CNTNAP4: variants seen among roughly 807,000 people sequenced by gnomAD.
CNTNAP4 encodes contactin associated protein family member 4.
A neutral mutation model predicts 148.4 loss-of-function variants in CNTNAP4; 98 were observed. The observed-to-expected ratio is 0.66, with a 90% CI of 0.56 to 0.78. The LOEUF (loss-of-function observed/expected upper bound fraction) is 0.78, where lower values mean the gene tolerates loss of function less well. Among genes scored for constraint, CNTNAP4 ranks in the 30% least tolerant of loss-of-function variants. The pLI is 0.00. For missense variants in CNTNAP4, 1,935 were observed against 1,565.6 expected (o/e 1.24, Z -3.98); for synonymous variants, 730 against 565.1 (o/e 1.29, Z -4.14).
intron 4 of CNTNAP4, among the ~76,000 whole-genome samples, chr16:76,439,747 C>T (rs781426671): frequency 9.9e-5 from 15 of 152,102 alleles, no homozygotes; most frequent in Non-Finnish European, 2.1e-4. Flanking sequence ...ATATATAGCA[C>T]TTGATCTCTG....
At chr16:76,525,839 A>G (rs925442254) in intron 17 of CNTNAP4, among the ~76,000 whole-genome samples, 7 of 147,888 alleles carry the variant, frequency 4.7e-5, no homozygotes, top group Non-Finnish European at 8.9e-5. Context: ...ATATATAACT[A>G]TATATAATTA....
intron 17 of CNTNAP4, among the ~76,000 whole-genome samples, chr16:76,528,586 A>G (rs984333557): frequency 2.0e-5 from 3 of 152,144 alleles, no homozygotes; most frequent in African/African-American, 4.8e-5. Flanking sequence ...ATTGTTGGTA[A>G]TCTCTCAGAA....
At chr16:76,411,850 A>C (rs1482030338) in intron 3 of CNTNAP4, among the ~76,000 whole-genome samples, 1 of 151,452 alleles carries the variant, frequency 6.6e-6, no homozygotes, top group Non-Finnish European at 1.5e-5. Context: ...GACAAAAAGC[A>C]TAAATGTATA....
In CNTNAP4 at chr16:76,538,279, C is replaced by G. The variant is rs2084303230; in HGVS notation, c.3159C>G (p.Ser1053Arg). The G allele has an allele frequency of 6.2e-7, 1 of 1,610,024 alleles. No homozygotes were observed. Among genetic ancestry groups the G allele is most frequent in the South Asian group, 1.1e-5 (1 of 90,628 alleles). ...GTTTCCGAACAACACGAACACCAAGCTTGCTGCTTTTTGTGAGCTCCTTTT... is the reference window on the plus strand; with the variant it reads ...GTTTCCGAACAACACGAACACCAAGGTTGCTGCTTTTTGTGAGCTCCTTTT... ...KFSFRTTRTP[S>R]LLLFVSSFYK... Residue 1053 changes from serine to arginine, a missense_variant, in exon 19 of 24, where the codon AGC becomes AGG. Physicochemically the swap from Ser to Arg is moderately radical, Grantham distance 110. Coordinates refer to ENST00000611870, the MANE Select transcript of CNTNAP4 (RefSeq NM_033401.5).
Position 76,545,203 on chromosome 16 carries a change from A to C in CNTNAP4, c.3442+4413A>C, listed in dbSNP as rs530336483. ...TCCATTGATTTTTAATTTTTTTAATAATTAAAATGTCATAGACTGTCTTCA... is the reference window on the plus strand; with the variant it reads ...TCCATTGATTTTTAATTTTTTTAATCATTAAAATGTCATAGACTGTCTTCA... On this transcript the variant is annotated intron_variant, in intron 21 of 23. Transcript: ENST00000611870. Among the ~76,000 whole-genome samples, 204 of 152,302 alleles carry C rather than the reference A, an allele frequency of 1.3e-3. 2 individuals are homozygous for C. The highest frequency in any genetic ancestry group is 2.2e-3 in the Admixed American group (34 of 15,298).
intron 2 of CNTNAP4, among the ~76,000 whole-genome samples, chr16:76,342,420 G>C (rs993162596): frequency 2.7e-5 from 4 of 149,130 alleles, no homozygotes; most frequent in African/African-American, 9.9e-5. Flanking sequence ...GAGTTTGGCT[G>C]ACTCTACAAA....
chr16:76,446,627 T>C (rs9923889), intron 4 of CNTNAP4, among the ~76,000 whole-genome samples: 94,035 of 151,992 alleles, frequency 0.62, 29,334 homozygotes, highest in South Asian at 0.71. Context: ...CCACAAATAC[T>C]ACAGAACAGA....
intron 17 of CNTNAP4, among the ~76,000 whole-genome samples, chr16:76,522,571 C>T (rs949800828): frequency 6.9e-6 from 1 of 145,702 alleles, no homozygotes; most frequent in South Asian, 2.2e-4. Flanking sequence ...GCCTGCCTGC[C>T]GCCCTCCTTT....
chr16:76,474,341 C>T (rs1379101385), intron 10 of CNTNAP4, among the ~76,000 whole-genome samples: 1 of 152,124 alleles, frequency 6.6e-6, no homozygotes, highest in Non-Finnish European at 1.5e-5. Context: ...GAATTGATCA[C>T]TGAAAGTTTT....
At chr16:76,495,831 T>C (rs2082383229) in intron 14 of CNTNAP4, among the ~76,000 whole-genome samples, 1 of 152,096 alleles carries the variant, frequency 6.6e-6, no homozygotes, top group African/African-American at 2.4e-5. Flanking sequence ...TCAATCTGGA[T>C]GTAATATGAG....
rs546893879 is a variant in CNTNAP4 at position 76,333,907 on chromosome 16, T to C, written c.196+17384T>C. Among the ~76,000 whole-genome samples, 1,020 of 149,840 alleles carry C rather than the reference T, an allele frequency of 6.8e-3. 9 individuals are homozygous for C. The highest frequency in any genetic ancestry group is 0.024 in the African/African-American group (990 of 41,006). Reference sequence around the variant, plus strand: ...AAAGTGTTCCTATTTCTCCACATCCTCTACAGCACCTGTTGTTTCCTGACT... The same window carrying C: ...AAAGTGTTCCTATTTCTCCACATCCCCTACAGCACCTGTTGTTTCCTGACT... On this transcript the variant is annotated intron_variant, in intron 2 of 23. Transcript: ENST00000611870.
At chr16:76,354,984 A>C (rs903587506) in intron 2 of CNTNAP4, among the ~76,000 whole-genome samples, 9 of 152,238 alleles carry the variant, frequency 5.9e-5, no homozygotes, top group African/African-American at 2.2e-4. Context: ...AGAGCACACC[A>C]TTACATGTGT....
intron 2 of CNTNAP4, among the ~76,000 whole-genome samples, chr16:76,328,957 C>T (rs1049867157): frequency 1.3e-5 from 2 of 152,190 alleles, no homozygotes; most frequent in Non-Finnish European, 1.5e-5. Flanking sequence ...ATTAATAGGA[C>T]AGGGGACTGG....
At chr16:76,499,013 G>C (rs1345135627) in intron 15 of CNTNAP4, among the ~76,000 whole-genome samples, 1 of 151,474 alleles carries the variant, frequency 6.6e-6, no homozygotes, top group Non-Finnish European at 1.5e-5. Flanking sequence ...CAGTTGAACT[G>C]TAAGTACACT....
At chr16:76,382,060 CAAAAAAAAAAAAAA>C (rs67028367) in intron 3 of CNTNAP4, among the ~76,000 whole-genome samples, 3 of 53,328 alleles carry the variant, frequency 5.6e-5, no homozygotes, top group East Asian at 5.8e-4. Flanking sequence ...GACTCCGTCT[CAAAAAAAAAAAAAA>C]AAAAAAAAAA....
chr16:76,341,880 G>C (rs1964496950), intron 2 of CNTNAP4, among the ~76,000 whole-genome samples: 1 of 152,172 alleles, frequency 6.6e-6, no homozygotes, highest in Admixed American at 6.5e-5. Context: ...AGGCTGGTCA[G>C]GGAAGTTTAG....
At chr16:76,340,344 C>T (rs753505126) in intron 2 of CNTNAP4, among the ~76,000 whole-genome samples, 1 of 152,092 alleles carries the variant, frequency 6.6e-6, no homozygotes, top group Non-Finnish European at 1.5e-5. Context: ...GAGAGCTGTC[C>T]CTGTATTCTA....
intron 1 of CNTNAP4, among the ~76,000 whole-genome samples, chr16:76,304,729 A>T (rs1051056455): frequency 6.6e-6 from 1 of 152,214 alleles, no homozygotes; most frequent in Non-Finnish European, 1.5e-5. Flanking sequence ...GCTTTTGACC[A>T]ATCAGTGGGC....
intron 23 of CNTNAP4, among the ~76,000 whole-genome samples, chr16:76,555,451 A>G (rs1341109747): frequency 6.6e-6 from 1 of 152,244 alleles, no homozygotes; most frequent in African/African-American, 2.4e-5. Flanking sequence ...ACTTAAAGCT[A>G]TAGTATTTAC....
Sources: allele counts gnomAD v4.1 joint callset (sites outside exome capture counted in the v4.1 genomes callset), GRCh38; gene constraint gnomAD v4.1.1; transcripts MANE v1.5; gene names NCBI Gene and HGNC (gene_info 2026-07-23, HGNC 2026-07-21).